The following CLIC4 variants were observed in gnomAD, a reference collection of about 807,000 sequenced individuals.
The protein encoded by CLIC4 is CLIC family member 4, also known as chloride intracellular channel protein 4.
In CLIC4, 13 loss-of-function variants were observed where a neutral mutation model predicts 24.6. The observed-to-expected ratio is 0.53, with a 90% confidence interval of 0.34 to 0.84. The LOEUF is 0.84. CLIC4 is among the 40% of genes least tolerant of loss of function. The pLI, the probability that CLIC4 is intolerant of heterozygous loss-of-function variation, is 0.01. For missense variants in CLIC4, 227 were observed against 301.7 expected (o/e 0.75, Z 1.83); for synonymous variants, 104 against 111.3 (o/e 0.93, Z 0.41).
chr1:24,776,241 G>T (rs1270676828), intron 1 of CLIC4, among the ~76,000 whole-genome samples: 1 of 152,102 alleles, frequency 6.6e-6, no homozygotes, highest in Non-Finnish European at 1.5e-5. Flanking sequence ...GCTCTAGACT[G>T]TTTTTTGGCT....
chr1:24,799,032 A>G (rs1233460218), intron 2 of CLIC4, among the ~76,000 whole-genome samples: 1 of 152,030 alleles, frequency 6.6e-6, no homozygotes, highest in Non-Finnish European at 1.5e-5. Flanking sequence ...TGGCCTCCCA[A>G]AGTGCCGAGA....
chr1:24,814,085 G>A lies in CLIC4; in HGVS notation c.183-9G>A. ...ATGATCTGATTTTGACCAATATTTTGCCCAACAGGAAGCCAGCAGACCTGC... is the reference window on the plus strand; with the variant it reads ...ATGATCTGATTTTGACCAATATTTTACCCAACAGGAAGCCAGCAGACCTGC... On this transcript the variant is annotated splice_polypyrimidine_tract_variant and intron_variant, in intron 2 of 5. Coordinates refer to ENST00000374379, the MANE Select transcript of CLIC4 (RefSeq NM_013943.3). The A allele has an allele frequency of 6.2e-7, 1 of 1,613,004 alleles. No individual in the cohort carries two copies. Among genetic ancestry groups the A allele is most frequent in the Non-Finnish European group, 8.5e-7 (1 of 1,179,900 alleles).
chr1:24,802,711 CTTT>C (rs535381018), intron 2 of CLIC4, among the ~76,000 whole-genome samples: 15 of 136,884 alleles, frequency 1.1e-4, no homozygotes, highest in Admixed American at 1.5e-4. Context: ...TTTTCTTTTT[CTTT>C]TTTTTTTTTT....
In CLIC4 at chr1:24,820,067, GTATATATATATGTATA is replaced by G. The variant is rs1156631538; in HGVS notation, c.308+5860_308+5875del. Among the ~76,000 whole-genome samples, 4 of 36,472 alleles carry G rather than the reference GTATATATATATGTATA, an allele frequency of 1.1e-4. No individual in the cohort carries two copies. In the Admixed American group the frequency reaches 1.4e-3, roughly 13 times the overall value. The allele number at this position is 36,472 out of a possible 152,430, so 23.9% of individuals were successfully genotyped here. A position where few individuals can be genotyped will look rare whatever the true frequency, so the allele number is the denominator to read the frequency against. On this transcript the variant is annotated intron_variant, in intron 3 of 5. Transcript: ENST00000374379. ...TACTTCAAAAAAAAAAAAAAAGTAT[GTATATATATATGTATA>G]TATATATATATATAGACAGTATCTT...
At chr1:24,773,152 T>TAGG (rs1639092807) in intron 1 of CLIC4, among the ~76,000 whole-genome samples, 1 of 152,212 alleles carries the variant, frequency 6.6e-6, no homozygotes, top group African/African-American at 2.4e-5. Flanking sequence ...TTTTCACACT[T>TAGG]CACCTGGAAT....
At position 24,840,779 on chromosome 1, in the gene CLIC4, G is replaced by T. The variant is rs1479265228; in HGVS notation, c.604G>T (p.Ala202Ser). ...TGATCTCTTTGTATTTCAGGTGGTG[G>T]CCAAAAAATATCGCAACTTTGATAT... ...LPKLHIVKVV[A>S]KKYRNFDIPK... The change falls in exon 6 of 6, where the codon GCC becomes TCC. Residue 202 changes from alanine (A) to serine (S), a missense_variant. Physicochemically the swap from Ala to Ser is moderately conservative, Grantham distance 99. Coordinates refer to ENST00000374379, the MANE Select transcript of CLIC4 (RefSeq NM_013943.3). The T allele has an allele frequency of 6.2e-7, 1 of 1,603,560 alleles. No individual in the cohort carries two copies. The highest frequency in any genetic ancestry group is 8.5e-7 in the Non-Finnish European group (1 of 1,175,358).
intron 1 of CLIC4, among the ~76,000 whole-genome samples, chr1:24,776,741 GTC>G (rs1639145426): frequency 6.6e-6 from 1 of 152,068 alleles, no homozygotes; most frequent in South Asian, 2.1e-4. Context: ...AGGAAACCCT[GTC>G]TCTACCAAAA....
intron 2 of CLIC4, among the ~76,000 whole-genome samples, chr1:24,808,088 A>G (rs1350590883): frequency 6.6e-6 from 1 of 152,108 alleles, no homozygotes; most frequent in Non-Finnish European, 1.5e-5. Flanking sequence ...CTGGGATTAC[A>G]GGCGTGCGCC....
chr1:24,774,157 G>T (rs1427295379), intron 1 of CLIC4, among the ~76,000 whole-genome samples: 1 of 151,350 alleles, frequency 6.6e-6, no homozygotes, highest in East Asian at 2.0e-4. Flanking sequence ...TGTATTTTTA[G>T]TAGAGACGGG....
rs370658799 is a variant in CLIC4 at position 24,749,200 on chromosome 1, C to G, written c.72+3575C>G. On this transcript the variant is annotated intron_variant, in intron 1 of 5. Transcript: ENST00000374379. ...CTGCACCCCAGCCTGGGTGACAGAG[C>G]AAGACTCCATCTCAAAAAATAAAAA... Among the ~76,000 whole-genome samples the G allele has an allele frequency of 8.1e-5, 12 of 147,950 alleles. No individual in the cohort carries two copies. In the East Asian group the frequency reaches 1.8e-3, roughly 22 times the overall value.
At chr1:24,768,344 C>T (rs1639027693) in intron 1 of CLIC4, among the ~76,000 whole-genome samples, 2 of 152,104 alleles carry the variant, frequency 1.3e-5, no homozygotes, top group African/African-American at 2.4e-5. Context: ...CTGAACAGGT[C>T]ATATATTAAC....
intron 1 of CLIC4, among the ~76,000 whole-genome samples, chr1:24,768,634 C>T (rs1018139571): frequency 3.3e-5 from 5 of 151,984 alleles, no homozygotes; most frequent in Admixed American, 6.6e-5. Flanking sequence ...ACATGTCGGC[C>T]GGGTGCGGTG....
At chr1:24,762,871 T>G (rs1438747007) in intron 1 of CLIC4, among the ~76,000 whole-genome samples, 2 of 152,120 alleles carry the variant, frequency 1.3e-5, no homozygotes, top group African/African-American at 4.8e-5. Flanking sequence ...GGGATACATA[T>G]GAAGGGAAGG....
At chr1:24,751,144 T>C (rs555439061) in intron 1 of CLIC4, among the ~76,000 whole-genome samples, 2 of 152,028 alleles carry the variant, frequency 1.3e-5, no homozygotes, top group African/African-American at 4.8e-5. Context: ...TAGCCTCCAG[T>C]CTCCAAACCC....
intron 1 of CLIC4, among the ~76,000 whole-genome samples, chr1:24,793,943 A>G (rs986912432): frequency 7.2e-5 from 11 of 152,310 alleles, no homozygotes; most frequent in Non-Finnish European, 1.6e-4. Context: ...GCATCTTTGA[A>G]TGACTTATTG....
intron 2 of CLIC4, among the ~76,000 whole-genome samples, chr1:24,804,910 G>A (rs1557807835): frequency 1.3e-5 from 2 of 151,632 alleles, no homozygotes; most frequent in South Asian, 2.1e-4. Context: ...GACCACCCTG[G>A]CCAACATGGT....
chr1:24,820,508 C>T (rs1639719463), intron 3 of CLIC4, among the ~76,000 whole-genome samples: 1 of 151,886 alleles, frequency 6.6e-6, no homozygotes, highest in South Asian at 2.1e-4. Context: ...AATCAGTCCT[C>T]CTGCCTCAGC....
chr1:24,755,493 C>G (rs1416521355), intron 1 of CLIC4, among the ~76,000 whole-genome samples: 2 of 150,382 alleles, frequency 1.3e-5, no homozygotes, highest in Non-Finnish European at 3.0e-5. Flanking sequence ...TGCCTCTAGA[C>G]CTAGCTTTGG....
At position 24,778,522 on chromosome 1, in the gene CLIC4, C is replaced by T. The variant is rs138703306; in HGVS notation, c.73-19220C>T. Among the ~76,000 whole-genome samples the T allele has an allele frequency of 2.4e-3, 370 of 152,136 alleles. 3 individuals carry two copies. Among genetic ancestry groups the T allele is most frequent in the African/African-American group, 5.6e-3 (231 of 41,520 alleles). ...ACTAGGAAAAAAGGACTGTAGCTTTCGTCCTTTTTTTTCTTTCTTTCATTT... is the reference window on the plus strand; with the variant it reads ...ACTAGGAAAAAAGGACTGTAGCTTTTGTCCTTTTTTTTCTTTCTTTCATTT... On this transcript the variant is annotated intron_variant, in intron 1 of 5. Coordinates refer to ENST00000374379, the MANE Select transcript of CLIC4 (RefSeq NM_013943.3).
Sources: gnomAD v4.1 joint callset for allele counts (sites outside exome capture counted in the v4.1 genomes callset) on GRCh38, gnomAD v4.1.1 for gene constraint, MANE v1.5 for transcripts, NCBI Gene and HGNC (gene_info 2026-07-23, HGNC 2026-07-21) for gene names.